NDUFC1: variants seen among roughly 807,000 people sequenced by gnomAD.
The protein encoded by NDUFC1 is NADH dehydrogenase [ubiquinone] 1 subunit C1, mitochondrial.
Under a neutral mutation model 11.6 loss-of-function variants are expected in NDUFC1, and 11 were observed. The ratio of observed to expected loss-of-function variants is 0.95; its 90% confidence interval spans 0.60 to 1.58. NDUFC1 has a LOEUF of 1.58. NDUFC1 is among the 40% of genes most tolerant of loss of function. The pLI is 0.00. For synonymous variants in NDUFC1, 52 were observed against 42.2 expected (o/e 1.23, Z -0.90); for missense variants, 112 against 93.0 (o/e 1.20, Z -0.84).
Position 139,290,005 on chromosome 4 carries a change from A to AT in NDUFC1, c.*107dup, listed in dbSNP as rs1187679915. On this transcript the variant is annotated 3_prime_UTR_variant, in exon 6 of 6. Coordinates refer to ENST00000394223, the MANE Select transcript of NDUFC1 (RefSeq NM_001184989.2). ...CAAAATACAAATGCTGGCTTGATAT[A>AT]TATTCACATATAACTTTTTCTCTCA... 1 of 152,158 alleles carries AT rather than the reference A, an allele frequency of 6.6e-6. No individual in the cohort carries two copies. Among genetic ancestry groups the AT allele is most frequent in the East Asian group, 1.9e-4 (1 of 5,200 alleles). The allele number at this position is 152,158 out of a possible 1,614,324, so 9.4% of individuals were successfully genotyped here.
In NDUFC1 at chr4:139,295,119, C is replaced by T; in HGVS notation, c.95G>A (p.Arg32Gln). 1.2e-6 allele frequency: 2 copies of T among 1,614,160 alleles called. No individual in the cohort carries two copies. Among genetic ancestry groups the T allele is most frequent in the Non-Finnish European group, 1.7e-6 (2 of 1,180,020 alleles). The change falls in exon 4 of 6, where the codon CGA (arginine) becomes CAA (glutamine). Residue 32 changes from arginine (R) to glutamine (Q), a missense_variant. By Grantham distance (43) the Arg-to-Gln change is conservative (BLOSUM62 1). Coordinates refer to ENST00000394223, the MANE Select transcript of NDUFC1 (RefSeq NM_001184989.2). Reference protein sequence around the residue: ...GPSVRSKFYVREPPNAKPDWL... With the variant: ...GPSVRSKFYVQEPPNAKPDWL... ...GTCAGGTTTGGCATTCGGCGGCTCT[C>T]GCACGTAGAACTTTGATCGCACTGA...
intron 1 of NDUFC1, among the ~76,000 whole-genome samples, chr4:139,298,476 G>A (rs951381753): frequency 2.8e-4 from 43 of 150,890 alleles, no homozygotes; most frequent in African/African-American, 8.0e-4. Flanking sequence ...GCAGCAGGCC[G>A]GGCGTTGGGG....
intron 1 of NDUFC1, chr4:139,302,018 AC>A (rs1745785574): frequency 5.6e-6 from 3 of 532,090 alleles, no homozygotes; most frequent in Non-Finnish European, 9.5e-6. Context: ...CGCGCCAGGG[AC>A]CACAGGCTTC....
At chr4:139,301,910 G>A (rs1266536147) in intron 1 of NDUFC1, 2 of 1,477,384 alleles carry the variant, frequency 1.4e-6, no homozygotes, top group African/African-American at 1.4e-5. Context: ...TCGGCCCGGC[G>A]GGCACTGAGC....
chr4:139,295,879 C>G lies in NDUFC1; in HGVS notation c.-81G>C. 6.9e-7 allele frequency: 1 copy of G among 1,441,620 alleles called. No homozygotes were observed. 89.3% of individuals were successfully genotyped at this position (1,441,620 alleles called of 1,614,324 possible). On this transcript the variant is annotated 5_prime_UTR_variant, in exon 3 of 6. Coordinates refer to ENST00000394223, the MANE Select transcript of NDUFC1 (RefSeq NM_001184989.2). ...CGGCCGGAAGTGCGGGACTCGAGGGCTCTGCAGCAGAGCTCCGTGGGGGCG... is the reference window on the plus strand; with the variant it reads ...CGGCCGGAAGTGCGGGACTCGAGGGGTCTGCAGCAGAGCTCCGTGGGGGCG...
At position 139,295,046 on chromosome 4, in the gene NDUFC1, G is replaced by C. The variant is rs765044287; in HGVS notation, c.168C>G (p.Ile56Met). 1.9e-6 allele frequency: 3 copies of C among 1,613,082 alleles called. No homozygotes were observed. Among genetic ancestry groups the C allele is most frequent in the Non-Finnish European group, 2.5e-6 (3 of 1,179,226 alleles). ...CATCCGGGAGTAAAGTACTTACATAGATCCACAAGAAGACAGTGGTGCCCA... is the reference window on the plus strand; with the variant it reads ...CATCCGGGAGTAAAGTACTTACATACATCCACAAGAAGACAGTGGTGCCCA... ...FTLGTTVFLW[I>M]YLIKQHNEDI... Residue 56 changes from isoleucine (I) to methionine (M), a missense_variant, in exon 4 of 6, where the codon ATC becomes ATG. By Grantham distance (10) the Ile-to-Met change is conservative (BLOSUM62 1). Transcript: ENST00000394223.
At chr4:139,295,216 T>C in intron 3 of NDUFC1, 70 bp from the exon 4 acceptor site, 1 of 1,183,420 alleles carries the variant, frequency 8.5e-7, no homozygotes, top group Non-Finnish European at 1.3e-6. Context: ...AACATTTACG[T>C]GCGTATTATC....
At chr4:139,290,400 C>A (rs1170997061) in intron 5 of NDUFC1, among the ~76,000 whole-genome samples, 1 of 149,786 alleles carries the variant, frequency 6.7e-6, no homozygotes, top group Non-Finnish European at 1.5e-5. Context: ...CTGCCTAGGC[C>A]TCCCAAAGTA....
intron 1 of NDUFC1, among the ~76,000 whole-genome samples, chr4:139,299,937 T>C (rs1166504159): frequency 1.3e-5 from 2 of 152,192 alleles, no homozygotes; most frequent in Admixed American, 6.5e-5. Context: ...GTAGGGATTT[T>C]TGGATATGAA....
At chr4:139,298,303 G>A (rs13143477) in intron 1 of NDUFC1, among the ~76,000 whole-genome samples, 17,102 of 151,738 alleles carry the variant, frequency 0.11, 1,318 homozygotes, top group Non-Finnish European at 0.17. Context: ...GCCGGGCATG[G>A]TGGTGCATGC....
chr4:139,302,069 A>G, intron 1 of NDUFC1: 3 of 411,574 alleles, frequency 7.3e-6, no homozygotes, highest in East Asian at 7.3e-5. Flanking sequence ...GTTCCGGACT[A>G]GGCCCCGACC....
At position 139,292,530 on chromosome 4, in the gene NDUFC1, T is replaced by A. The variant is rs2110759321; in HGVS notation, c.*20A>T. On this transcript the variant is annotated splice_region_variant and 3_prime_UTR_variant, in exon 5 of 6. Transcript: ENST00000394223. ...TCATCCAATAAGCTTGTATACTTAC[T>A]ACATTAGTGTTTCAAAAGTTTATTC... The A allele has an allele frequency of 7.1e-7, 1 of 1,409,538 alleles. No individual in the cohort carries two copies. Among genetic ancestry groups the A allele is most frequent in the South Asian group, 1.3e-5 (1 of 79,498 alleles). 87.3% of individuals were successfully genotyped at this position (1,409,538 alleles called of 1,614,324 possible).
At chr4:139,292,680 G>A in intron 4 of NDUFC1, 71 bp from the exon 5 acceptor site, 25 of 990,750 alleles carry the variant, frequency 2.5e-5, no homozygotes, top group Admixed American at 5.9e-5. Flanking sequence ...AAAGGAATAA[G>A]GATAGAAAAA....
intron 1 of NDUFC1, among the ~76,000 whole-genome samples, chr4:139,300,240 C>T (rs996926716): frequency 6.6e-5 from 10 of 152,108 alleles, no homozygotes; most frequent in African/African-American, 2.4e-4. Flanking sequence ...AAGGAAACTC[C>T]AGGATTTGAC....
chr4:139,302,111 C>T (rs1264463797), intron 1 of NDUFC1: 1 of 371,866 alleles, frequency 2.7e-6, no homozygotes. Flanking sequence ...TTCTCATTCT[C>T]CCCGATCTGG....
chr4:139,297,640 G>A (rs1055106034), intron 1 of NDUFC1, among the ~76,000 whole-genome samples, 197 bp from the exon 2 acceptor site: 8 of 151,992 alleles, frequency 5.3e-5, no homozygotes, highest in African/African-American at 1.7e-4. Context: ...TTTTTCCACT[G>A]GGAAAAAATC....
chr4:139,291,336 G>A (rs28470541), intron 5 of NDUFC1, among the ~76,000 whole-genome samples: 1 of 151,814 alleles, frequency 6.6e-6, no homozygotes, highest in Non-Finnish European at 1.5e-5. Flanking sequence ...CAGCACTTTG[G>A]GAGGCCGAGG....
intron 1 of NDUFC1, chr4:139,301,195 A>G (rs1745705835): frequency 8.8e-6 from 2 of 226,116 alleles, no homozygotes; most frequent in Non-Finnish European, 1.7e-5. Flanking sequence ...ATGATCACAC[A>G]GTGTGCGAGA....
In NDUFC1 at chr4:139,295,146, G is replaced by T; in HGVS notation, c.68C>A (p.Pro23His). The change falls in exon 4 of 6, where the codon CCT becomes CAT. Residue 23 changes from proline (P) to histidine (H), a missense_variant and splice_region_variant. Pro to His is a moderately conservative substitution (Grantham distance 77). Transcript: ENST00000394223. ...CACGTAGAACTTTGATCGCACTGAA[G>T]CTGAAAGGGGAAGAGGGTCTGTAAA... Reference protein sequence around the residue: ...LLAPARLPSGPSVRSKFYVRE... With the variant: ...LLAPARLPSGHSVRSKFYVRE... The T allele has an allele frequency of 6.2e-7, 1 of 1,613,382 alleles. No homozygotes were observed. Among genetic ancestry groups the T allele is most frequent in the Non-Finnish European group, 8.5e-7 (1 of 1,179,336 alleles).
Sources: allele counts gnomAD v4.1 joint callset (sites outside exome capture counted in the v4.1 genomes callset), GRCh38; gene constraint gnomAD v4.1.1; transcripts MANE v1.5; gene names NCBI Gene and HGNC (gene_info 2026-07-23, HGNC 2026-07-21).